PPA2: variants seen among roughly 807,000 people sequenced by gnomAD.
PPA2 encodes inorganic pyrophosphatase 2.
PPA2 carries 48 observed loss-of-function variants against 49.5 expected under a neutral mutation model. That is an observed-to-expected ratio of 0.97 (90% CI 0.77 to 1.23). The LOEUF is 1.23. Among genes scored for constraint, PPA2 ranks in the 50% most tolerant of loss-of-function variants. PPA2 has a pLI of 0.00. For missense variants in PPA2, 429 were observed against 410.1 expected (o/e 1.05, Z -0.40); for synonymous variants, 131 against 139.9 (o/e 0.94, Z 0.45).
chr4:105,389,461 A>C (rs1295328434), intron 9 of PPA2, among the ~76,000 whole-genome samples: 2 of 150,886 alleles, frequency 1.3e-5, no homozygotes, highest in Non-Finnish European at 2.9e-5. Flanking sequence ...AAAAAAAAAA[A>C]AACTAAAAAG....
intron 7 of PPA2, among the ~76,000 whole-genome samples, chr4:105,408,827 G>A (rs1473275965): frequency 1.3e-5 from 2 of 152,042 alleles, no homozygotes; most frequent in African/African-American, 4.8e-5. Context: ...TGAATAAATG[G>A]GAAACATATA....
chr4:105,430,676 A>G (rs1490534077), intron 6 of PPA2, among the ~76,000 whole-genome samples: 1 of 152,214 alleles, frequency 6.6e-6, no homozygotes, highest in East Asian at 1.9e-4. Flanking sequence ...AGAGGCTAAC[A>G]AATCAGAAGA....
At chr4:105,453,916 C>T (rs1560639050) in intron 2 of PPA2, 1 of 291,542 alleles carries the variant, frequency 3.4e-6, no homozygotes, top group African/African-American at 2.2e-5. Context: ...TAAGCAAAGG[C>T]TCTGTTCAGT....
At chr4:105,454,518 A>G (rs1265638784) in intron 2 of PPA2, among the ~76,000 whole-genome samples, 1 of 152,012 alleles carries the variant, frequency 6.6e-6, no homozygotes, top group Non-Finnish European at 1.5e-5. Context: ...TATTTTTAGT[A>G]GAGACAGGGT....
intron 6 of PPA2, among the ~76,000 whole-genome samples, chr4:105,434,272 C>A (rs556610808): frequency 8.5e-5 from 13 of 152,234 alleles, no homozygotes; most frequent in African/African-American, 3.1e-4. Flanking sequence ...GCACATTGGA[C>A]CAAAAGATGT....
intron 1 of PPA2, among the ~76,000 whole-genome samples, chr4:105,470,677 CATTT>C (rs1199450485): frequency 2.0e-5 from 3 of 152,116 alleles, no homozygotes; most frequent in Admixed American, 6.5e-5. Flanking sequence ...AAATAAATAA[CATTT>C]ATTAAATACC....
intron 7 of PPA2, among the ~76,000 whole-genome samples, chr4:105,418,331 A>G (rs965754815): frequency 2.0e-5 from 3 of 152,216 alleles, no homozygotes; most frequent in Non-Finnish European, 4.4e-5. Context: ...ACACTACATT[A>G]ATTTGCTTAT....
chr4:105,419,750 C>CA (rs148350387), intron 7 of PPA2, among the ~76,000 whole-genome samples: 3 of 150,898 alleles, frequency 2.0e-5, no homozygotes, highest in Non-Finnish European at 4.4e-5. Flanking sequence ...TTATTTATAT[C>CA]AAAAAAAATA....
Position 105,399,055 on chromosome 4 carries a change from A to G in PPA2, c.765T>C (p.Asn255=). ...DGKPENQFAF[N]GEFKNKAFAL... ...TCTTCACCTTGTTTTTGAATTCTCCATTAAAAGCAAACTGGTTTTCTGGTT... is the reference window on the plus strand; with the variant it reads ...TCTTCACCTTGTTTTTGAATTCTCCGTTAAAAGCAAACTGGTTTTCTGGTT... Residue 255 remains asparagine, a synonymous_variant, in exon 8 of 12, where the codon AAT becomes AAC. Transcript: ENST00000341695. 1 of 1,609,868 alleles carries G rather than the reference A, an allele frequency of 6.2e-7. No homozygotes were observed. Among genetic ancestry groups the G allele is most frequent in the South Asian group, 1.1e-5 (1 of 89,850 alleles).
chr4:105,376,511 C>T (rs1462074520), intron 10 of PPA2, among the ~76,000 whole-genome samples: 1 of 152,162 alleles, frequency 6.6e-6, no homozygotes, highest in East Asian at 1.9e-4. Context: ...TTATCCGAGA[C>T]TAGTTTTAGT....
In PPA2 at chr4:105,369,859, T is replaced by C. The variant is rs1014094314; in HGVS notation, c.977-106A>G. 4.8e-6 allele frequency: 5 copies of C among 1,038,440 alleles called. No individual in the cohort carries two copies. In the African/African-American group the frequency reaches 6.3e-5, roughly 13 times the overall value. 64.3% of individuals were successfully genotyped at this position (1,038,440 alleles called of 1,614,324 possible). A position where few individuals can be genotyped will look rare whatever the true frequency, so the allele number is the denominator to read the frequency against. ...GACTTTTAGGAAGTATTTAGGCAGA[T>C]ACAAACAGTCATAAGCTATCTAAAG... On this transcript the variant is annotated intron_variant, in intron 11 of 11. Transcript: ENST00000341695.
intron 7 of PPA2, among the ~76,000 whole-genome samples, chr4:105,403,195 T>TTTTG (rs1277053239): frequency 1.3e-5 from 2 of 152,142 alleles, no homozygotes; most frequent in East Asian, 3.9e-4. Flanking sequence ...GGCTAATCTT[T>TTTTG]TTTGTTTGTT....
intron 5 of PPA2, among the ~76,000 whole-genome samples, chr4:105,438,769 CT>C (rs1164612488): frequency 3.3e-5 from 5 of 152,172 alleles, no homozygotes. Flanking sequence ...CTAAATGGAA[CT>C]GTAGAAGTTC....
At chr4:105,455,629 G>C (rs1224851768) in intron 2 of PPA2, among the ~76,000 whole-genome samples, 3 of 152,196 alleles carry the variant, frequency 2.0e-5, no homozygotes, top group Non-Finnish European at 4.4e-5. Flanking sequence ...ACAAGCACTT[G>C]ATAAATTATT....
At chr4:105,430,473 T>C (rs976262012) in intron 6 of PPA2, among the ~76,000 whole-genome samples, 2 of 152,206 alleles carry the variant, frequency 1.3e-5, no homozygotes, top group Non-Finnish European at 2.9e-5. Context: ...GGATTTACAA[T>C]CTTATTTGGG....
intron 7 of PPA2, among the ~76,000 whole-genome samples, chr4:105,410,555 T>C (rs1200228477): frequency 1.3e-5 from 2 of 152,052 alleles, no homozygotes; most frequent in African/African-American, 4.8e-5. Flanking sequence ...ATTCAGGAAA[T>C]ACAGAGAACA....
chr4:105,386,509 A>G, intron 10 of PPA2, 58 bp downstream of exon 10: 3 of 1,502,244 alleles, frequency 2.0e-6, no homozygotes, highest in Admixed American at 3.4e-5. Context: ...CAGAATTTCT[A>G]CTAGACTTCC....
At chr4:105,467,910 G>C (rs1251463581) in intron 1 of PPA2, among the ~76,000 whole-genome samples, 1 of 152,194 alleles carries the variant, frequency 6.6e-6, no homozygotes, top group Admixed American at 6.5e-5. Flanking sequence ...GAAATACAGA[G>C]TAGAAAGCTG....
intron 10 of PPA2, among the ~76,000 whole-genome samples, chr4:105,379,425 GTAGATAGATAGA>G (rs369483034): frequency 1.4e-4 from 20 of 140,118 alleles, no homozygotes; most frequent in African/African-American, 3.7e-4. Flanking sequence ...ATCAATATGT[GTAGATAGATAGA>G]TAGATAGATA....
Sources: allele counts gnomAD v4.1 joint callset (sites outside exome capture counted in the v4.1 genomes callset), GRCh38; gene constraint gnomAD v4.1.1; transcripts MANE v1.5; gene names NCBI Gene and HGNC (gene_info 2026-07-23, HGNC 2026-07-21).